The following KIAA1549L variants were observed in gnomAD, a reference collection of about 807,000 sequenced individuals.
The protein encoded by KIAA1549L is KIAA1549 like, also known as UPF0606 protein KIAA1549L.
In KIAA1549L, 88 loss-of-function variants were observed where a neutral mutation model predicts 160.7. The observed-to-expected ratio is 0.55, with a 90% CI of 0.46 to 0.65. KIAA1549L has a LOEUF of 0.65. KIAA1549L is among the 30% of genes least tolerant of loss of function. KIAA1549L has a pLI of 0.00. For synonymous variants in KIAA1549L, 950 were observed against 976.7 expected (o/e 0.97, Z 0.51); for missense variants, 2,258 against 2,437.5 (o/e 0.93, Z 1.55).
intron 1 of KIAA1549L, among the ~76,000 whole-genome samples, chr11:33,491,631 A>C (rs1167983701): frequency 1.3e-5 from 2 of 152,202 alleles, no homozygotes; most frequent in Non-Finnish European, 2.9e-5. Context: ...CTTCCCAACA[A>C]ATCCCTTTTT....
Position 33,660,911 on chromosome 11 carries a change from G to A in KIAA1549L, c.6056G>A (p.Gly2019Asp), listed in dbSNP as rs2133446286. The A allele has an allele frequency of 6.2e-7, 1 of 1,613,766 alleles. No individual in the cohort carries two copies. The highest frequency in any genetic ancestry group is 8.5e-7 in the Non-Finnish European group (1 of 1,179,816). The change falls in exon 20 of 21, where the codon GGC becomes GAC. Residue 2019 changes from glycine (G) to aspartate (D), a missense_variant. Physicochemically the swap from Gly to Asp is moderately conservative, Grantham distance 94. This residue lies in a region of KIAA1549L where 1,359 missense variants were observed against 1,546.6 expected (regional missense o/e 0.88). Coordinates refer to ENST00000658780, the MANE Select transcript of KIAA1549L (RefSeq NM_012194.3). The part of the protein sequence containing the change: ...VFAIPAANRP[G>D]FTGYFIPTPP... The stretch of plus-strand genomic sequence containing the variant: ...GCCATCCCAGCTGCCAACAGACCTG[G>A]CTTCACCGGCTACTTCATCCCAACG...
chr11:33,633,747 G>C (rs1323027829), intron 16 of KIAA1549L, among the ~76,000 whole-genome samples: 6 of 152,194 alleles, frequency 3.9e-5, no homozygotes, highest in African/African-American at 1.2e-4. Context: ...TGTTCTTGAA[G>C]TTCACAGGTA....
intron 1 of KIAA1549L, among the ~76,000 whole-genome samples, chr11:33,444,130 G>A (rs1006743038): frequency 6.6e-6 from 1 of 152,038 alleles, no homozygotes; most frequent in Non-Finnish European, 1.5e-5. Flanking sequence ...AAAATAAATG[G>A]GATCAGTTTT....
At chr11:33,605,981 A>C (rs1850488543) in intron 13 of KIAA1549L, among the ~76,000 whole-genome samples, 1 of 152,260 alleles carries the variant, frequency 6.6e-6, no homozygotes, top group Admixed American at 6.5e-5. Flanking sequence ...TTAATTTAAC[A>C]GAGCGTAGGT....
rs1851516552 is a variant in KIAA1549L at position 33,639,025 on chromosome 11, A to ATATTT, written c.5410-6659_5410-6655dup. Among the ~76,000 whole-genome samples, 4 of 152,278 alleles carry ATATTT rather than the reference A, an allele frequency of 2.6e-5. No homozygotes were observed. In the South Asian group the frequency reaches 8.3e-4, roughly 32 times the overall value. ...TTATATATTGTGGATACAAATCCTA[A>ATATTT]TATTTTCTTGTGGTTGGTAGCTTGT... On this transcript the variant is annotated intron_variant, in intron 16 of 20. Transcript: ENST00000658780.
intron 11 of KIAA1549L, among the ~76,000 whole-genome samples, chr11:33,585,552 G>A (rs1450857232): frequency 6.6e-6 from 1 of 152,072 alleles, no homozygotes; most frequent in Non-Finnish European, 1.5e-5. Flanking sequence ...AAAAGAGTGT[G>A]TATTTCATCT....
Position 33,559,829 on chromosome 11 carries a change from C to G in KIAA1549L, c.3936C>G (p.Thr1312=). The change falls in exon 7 of 21, where the codon ACC becomes ACG. Residue 1312 remains threonine (T), a synonymous_variant. Coordinates refer to ENST00000658780, the MANE Select transcript of KIAA1549L (RefSeq NM_012194.3). ...ATCAGAGCACATTCCTCAACGGCAC[C>G]GTCGCCAGCAGCCTCCTCAGCCAGC... The part of the protein sequence containing the change: ...VGNQSTFLNG[T]VASSLLSQLS... 2 of 1,613,968 alleles carry G rather than the reference C, an allele frequency of 1.2e-6. No individual in the cohort carries two copies. The highest frequency in any genetic ancestry group is 1.7e-6 in the Non-Finnish European group (2 of 1,179,848).
chr11:33,578,132 C>T (rs1300773731), intron 10 of KIAA1549L, among the ~76,000 whole-genome samples: 1 of 152,074 alleles, frequency 6.6e-6, no homozygotes, highest in Admixed American at 6.5e-5. Context: ...TCAGGAGGAC[C>T]GGGTGAGGCT....
At chr11:33,531,363 T>C (rs995609527) in intron 1 of KIAA1549L, among the ~76,000 whole-genome samples, 24 of 152,208 alleles carry the variant, frequency 1.6e-4, no homozygotes, top group African/African-American at 5.8e-4. Context: ...TAGTCCCAGC[T>C]ACTTGGGAGG....
At chr11:33,442,193 C>A (rs1037184036) in intron 1 of KIAA1549L, among the ~76,000 whole-genome samples, 1 of 152,204 alleles carries the variant, frequency 6.6e-6, no homozygotes, top group Non-Finnish European at 1.5e-5. Flanking sequence ...TTCCCCATTT[C>A]TTGTTTTTGT....
chr11:33,559,123 C>T (rs1854751779), intron 6 of KIAA1549L, among the ~76,000 whole-genome samples: 1 of 152,104 alleles, frequency 6.6e-6, no homozygotes, highest in African/African-American at 2.4e-5. Context: ...CAGGTGTGAG[C>T]CACCGTGCCC....
chr11:33,396,887 T>C (rs1850386027), intron 1 of KIAA1549L, among the ~76,000 whole-genome samples: 1 of 150,722 alleles, frequency 6.6e-6, no homozygotes. Context: ...GAGGCAGAGG[T>C]TGCAGTGAGC....
intron 15 of KIAA1549L, among the ~76,000 whole-genome samples, chr11:33,611,474 C>T (rs969909054): frequency 2.6e-5 from 4 of 151,944 alleles, no homozygotes; most frequent in Admixed American, 2.6e-4. Context: ...AATTCTCAAC[C>T]AGTGCTTAAT....
intron 1 of KIAA1549L, among the ~76,000 whole-genome samples, chr11:33,433,305 A>G (rs1295653730): frequency 6.6e-6 from 1 of 152,262 alleles, no homozygotes; most frequent in Non-Finnish European, 1.5e-5. Context: ...ACACGTATCA[A>G]AAGAAGACAT....
intron 1 of KIAA1549L, among the ~76,000 whole-genome samples, chr11:33,392,138 G>T (rs553992186): frequency 6.6e-6 from 1 of 152,286 alleles, no homozygotes; most frequent in African/African-American, 2.4e-5. Flanking sequence ...AAGTAGTGGA[G>T]CTGGGATTTG....
chr11:33,468,856 AT>A (rs989203964), intron 1 of KIAA1549L, among the ~76,000 whole-genome samples: 9 of 151,920 alleles, frequency 5.9e-5, no homozygotes, highest in African/African-American at 1.9e-4. Context: ...TGAGCTTATT[AT>A]TTTTTTTATG....
intron 1 of KIAA1549L, among the ~76,000 whole-genome samples, chr11:33,495,937 G>A (rs1285200043): frequency 1.3e-5 from 2 of 152,030 alleles, no homozygotes; most frequent in African/African-American, 2.4e-5. Flanking sequence ...TTTGAGAAGT[G>A]TCTGTTCATG....
At chr11:33,396,077 G>A (rs1030445087) in intron 1 of KIAA1549L, among the ~76,000 whole-genome samples, 3 of 152,188 alleles carry the variant, frequency 2.0e-5, no homozygotes, top group African/African-American at 7.2e-5. Context: ...TGTTATCCCT[G>A]GTGTTGTGTC....
intron 15 of KIAA1549L, among the ~76,000 whole-genome samples, chr11:33,615,375 C>T (rs775604695): frequency 1.3e-5 from 2 of 152,140 alleles, no homozygotes; most frequent in Non-Finnish European, 2.9e-5. Flanking sequence ...ATTACCCACC[C>T]AGCAGTATTT....
Sources: allele counts gnomAD v4.1 joint callset (sites outside exome capture counted in the v4.1 genomes callset), GRCh38; gene constraint gnomAD v4.1.1; regional missense constraint gnomAD v4.1.1; transcripts MANE v1.5; gene names NCBI Gene and HGNC (gene_info 2026-07-23, HGNC 2026-07-21).